The following KIF7 variants were observed in gnomAD, a reference collection of about 807,000 sequenced individuals.
The protein encoded by KIF7 is kinesin-like protein KIF7.
In KIF7, 104 loss-of-function variants were observed where a neutral mutation model predicts 135.7. The observed-to-expected ratio is 0.77, with a 90% CI of 0.65 to 0.90. KIF7 has a LOEUF of 0.90. KIF7 is among the 40% of genes least tolerant of loss of function. The pLI, the probability that KIF7 is intolerant of heterozygous loss-of-function variation, is 0.00. For synonymous variants in KIF7, 883 were observed against 809.4 expected, an observed-to-expected ratio of 1.09 and a Z score of -1.54; for missense variants, 2,005 against 1,839.1, an observed-to-expected ratio of 1.09 and a Z score of -1.65.
upstream of KIF7, among the ~76,000 whole-genome samples, chr15:89,659,835 A>G (rs1405071727): frequency 6.6e-6 from 1 of 152,192 alleles, no homozygotes; most frequent in Admixed American, 6.5e-5. Flanking sequence ...TAGGAATCCC[A>G]CTCTTAGTCA....
In KIF7 at chr15:89,630,292, C is replaced by G; in HGVS notation, c.3313G>C (p.Asp1105His). The change falls in exon 16 of 19, where the codon GAC becomes CAC. Residue 1105 changes from aspartate to histidine, a missense_variant. Asp to His is a moderately conservative substitution (Grantham distance 81). Coordinates refer to ENST00000394412, the MANE Select transcript of KIF7 (RefSeq NM_198525.3). ...GCCATGGGCTGCTGGCCCACCTTGTCAAAATACTTGCAGAGGAGGGCTCTG... is the reference window on the plus strand; with the variant it reads ...GCCATGGGCTGCTGGCCCACCTTGTGAAAATACTTGCAGAGGAGGGCTCTG... ...ETRALLCKYF[D>H]KVVTLREEQH... 1 of 1,614,028 alleles carries G rather than the reference C, an allele frequency of 6.2e-7. No individual in the cohort carries two copies. Among genetic ancestry groups the G allele is most frequent in the Non-Finnish European group, 8.5e-7 (1 of 1,180,024 alleles).
rs917751629 is a variant in KIF7, at chr15:89,633,330, C to A, written c.2593-64G>T. Reference sequence around the variant, plus strand: ...CCAGCATCTTACCAGAGCCTGCCACCGATCCCAAAGCCCCCAGGAGTGCCT... The same window carrying A: ...CCAGCATCTTACCAGAGCCTGCCACAGATCCCAAAGCCCCCAGGAGTGCCT... On this transcript the variant is annotated intron_variant, in intron 12 of 18. Transcript: ENST00000394412. The A allele has an allele frequency of 3.3e-6, 5 of 1,534,200 alleles. No individual in the cohort carries two copies. The African/African-American group carries it at 6.9e-5, about 21-fold the overall frequency.
At position 89,628,165 on chromosome 15, in the gene KIF7, G is replaced by A. The variant is rs76757474; in HGVS notation, c.*254C>T. The A allele has an allele frequency of 1.8e-3, 798 of 453,408 alleles. 5 individuals are homozygous for A. Among genetic ancestry groups the A allele is most frequent in the African/African-American group, 0.015 (750 of 50,974 alleles). The allele number at this position is 453,408 out of a possible 1,614,324, so 28.1% of individuals were successfully genotyped here. On this transcript the variant is annotated 3_prime_UTR_variant, in exon 19 of 19. Transcript: ENST00000394412. ...TGAAACCAGAATTGTCCTGAGATTCGAGCAAGACACAAGGCGGCAATTGGG... is the reference window on the plus strand; with the variant it reads ...TGAAACCAGAATTGTCCTGAGATTCAAGCAAGACACAAGGCGGCAATTGGG...
Position 89,646,920 on chromosome 15 carries a change from G to T in KIF7, c.1698C>A (p.Ala566=), listed in dbSNP as rs147663017. The change falls in exon 7 of 19, where the codon GCC becomes GCA. Residue 566 remains alanine (A), a synonymous_variant. Coordinates refer to ENST00000394412, the MANE Select transcript of KIF7 (RefSeq NM_198525.3). ...CATGGGCGTGGGCACCCCCCAGGGG[G>T]GCTGTATGAGGTCGAGGCACAAAGG... The part of the protein sequence containing the change: ...PGSFVPRPHT[A]PLGGAHAHVL... 1.9e-6 allele frequency: 3 copies of T among 1,613,954 alleles called. No homozygotes were observed. Among genetic ancestry groups the T allele is most frequent in the South Asian group, 1.1e-5 (1 of 91,082 alleles).
chr15:89,624,899 A>C (rs766500207), downstream of KIF7: 10 of 1,613,938 alleles, frequency 6.2e-6, no homozygotes, highest in South Asian at 9.9e-5. Context: ...TGTACCACAG[A>C]TGGGAGACAG....
In KIF7 at chr15:89,628,916, C is replaced by G; in HGVS notation, c.3664+60G>C. 4 of 1,613,246 alleles carry G rather than the reference C, an allele frequency of 2.5e-6. No individual in the cohort carries two copies. The South Asian group carries it at 4.4e-5, about 18-fold the overall frequency. ...CAATAAAGGCTCGAGGGAGAGTGGT[C>G]TCTAAGCTTTCCCCAAAGAAAGGGA... On this transcript the variant is annotated intron_variant, in intron 18 of 18. Transcript: ENST00000394412.
chr15:89,626,168 T>G (rs1963521917), downstream of KIF7: 9 of 1,352,648 alleles, frequency 6.7e-6, no homozygotes, highest in Non-Finnish European at 9.1e-6. Context: ...GTGCCAAGTG[T>G]GGGATAGGTG....
At chr15:89,642,151 C>A in intron 11 of KIF7, 52 bp downstream of exon 11, 1 of 1,572,278 alleles carries the variant, frequency 6.4e-7, no homozygotes, top group Non-Finnish European at 8.7e-7. Flanking sequence ...AGGATGGCAG[C>A]CTAGGAGGCA....
downstream of KIF7, chr15:89,624,408 G>T: frequency 6.2e-7 from 1 of 1,614,178 alleles, no homozygotes; most frequent in Non-Finnish European, 8.5e-7. Context: ...AACTCTCACA[G>T]AGAGCTACAT....
intron 1 of KIF7, among the ~76,000 whole-genome samples, chr15:89,622,365 C>G (rs181066535): frequency 2.0e-5 from 3 of 152,152 alleles, no homozygotes; most frequent in African/African-American, 7.2e-5. Context: ...TGGAACACTT[C>G]AACAGGCTTT....
Position 89,648,639 on chromosome 15 carries a change from G to A in KIF7, c.1059C>T (p.Ala353=). 6.5e-7 allele frequency: 1 copy of A among 1,535,610 alleles called. No homozygotes were observed. The highest frequency in any genetic ancestry group is 1.2e-5 in the South Asian group (1 of 84,056). ...CGGCCTCGGGCCGCCAGTTGACCGT[G>A]GCGCGGTTGCGGATGTTCTGGGCGC... is the stretch of plus-strand genomic sequence containing the variant. ...ASRAQNIRNR[A]TVNWRPEAER... Residue 353 remains alanine (A), a synonymous_variant, in exon 5 of 19, where the codon GCC becomes GCT. Coordinates refer to ENST00000394412, the MANE Select transcript of KIF7 (RefSeq NM_198525.3).
At chr15:89,634,668 AG>A (rs1247830903) in intron 11 of KIF7, among the ~76,000 whole-genome samples, 2 of 152,258 alleles carry the variant, frequency 1.3e-5, no homozygotes, top group East Asian at 3.8e-4. Flanking sequence ...CATGGCTCAG[AG>A]GGTCCTACGC....
chr15:89,649,199 C>A lies in KIF7; in HGVS notation c.698G>T (p.Ser233Ile). Residue 233 changes from serine to isoleucine, a missense_variant, in exon 4 of 19, where the codon AGC becomes ATC. Ser to Ile is a moderately radical substitution (Grantham distance 142). Transcript: ENST00000394412. ...GCCCGGGGCGGGGCGGGGTAGGCGG[C>A]TGGGGGCGCGCCCCCGCTGCTCCAG... ...VTLEQRGRAP[S>I]RLPRPAPGQL... is the part of the protein sequence containing the mutation. 6.5e-7 allele frequency: 1 copy of A among 1,546,216 alleles called. No homozygotes were observed. The highest frequency in any genetic ancestry group is 8.7e-7 in the Non-Finnish European group (1 of 1,145,882).
At chr15:89,619,730 T>C (rs750325843) in intron 1 of KIF7, 2 of 1,612,744 alleles carry the variant, frequency 1.2e-6, no homozygotes, top group South Asian at 2.2e-5. Flanking sequence ...GACGAAGTCC[T>C]CGAATCAAGC....
chr15:89,656,574 G>A (rs550018444), upstream of KIF7, among the ~76,000 whole-genome samples: 68 of 152,200 alleles, frequency 4.5e-4, 1 homozygote, highest in South Asian at 0.013. Flanking sequence ...GTGAGACAGC[G>A]TGGATATAGG....
At chr15:89,629,210 TGGGGGC>T in intron 17 of KIF7, 88 bp from the exon 18 acceptor site, 1 of 77,732 alleles carries the variant, frequency 1.3e-5, no homozygotes, top group Non-Finnish European at 2.4e-5. Context: ...GTGGGCTGGG[TGGGGGC>T]CGGGGTTGTG....
chr15:89,628,767 C>T lies in KIF7; in HGVS notation c.3684G>A (p.Leu1228=). 6.2e-7 allele frequency: 1 copy of T among 1,612,222 alleles called. No individual in the cohort carries two copies. The highest frequency in any genetic ancestry group is 8.5e-7 in the Non-Finnish European group (1 of 1,180,004). ...GHSRGGEKRS[L]CSEGRQAPGN... is the part of the protein sequence containing the mutation. ...CAGGAGCCTGTCTGCCCTCCGAGCA[C>T]AGGCTCCTCTTCTCCCCACCTGTCA... The change falls in exon 19 of 19, where the codon CTG becomes CTA. Residue 1228 remains leucine (L), a synonymous_variant. Coordinates refer to ENST00000394412, the MANE Select transcript of KIF7 (RefSeq NM_198525.3).
At chr15:89,632,666 C>G (rs1963705284) in intron 14 of KIF7, among the ~76,000 whole-genome samples, 154 bp downstream of exon 14, 1 of 152,024 alleles carries the variant, frequency 6.6e-6, no homozygotes, top group South Asian at 2.1e-4. Flanking sequence ...GCAGGGACAT[C>G]ACCTGGCAGG....
rs79839906 is a variant in KIF7, at chr15:89,631,692, C to T, written c.2914G>A (p.Val972Met). ...RSSQALNEDI[V>M]RVSSRLEHLE... is the part of the protein sequence containing the mutation. ...TGCTCCAGCCGGCTGGACACTCGCA[C>T]GATGTCCTCGTTGAGGGCCTGGGGG... The change falls in exon 15 of 19, where the codon GTG (valine) becomes ATG (methionine). Residue 972 changes from valine to methionine, a missense_variant. Val to Met is a conservative substitution (Grantham distance 21, BLOSUM62 1). Coordinates refer to ENST00000394412, the MANE Select transcript of KIF7 (RefSeq NM_198525.3). The T allele has an allele frequency of 1.8e-5, 28 of 1,554,588 alleles. No individual in the cohort carries two copies. In the African/African-American group the frequency reaches 2.6e-4, roughly 14 times the overall value.
Sources: gnomAD v4.1 joint callset for allele counts (sites outside exome capture counted in the v4.1 genomes callset) on GRCh38, gnomAD v4.1.1 for gene constraint, MANE v1.5 for transcripts, NCBI Gene and HGNC (gene_info 2026-07-23, HGNC 2026-07-21) for gene names.